MAML3: variants seen among roughly 807,000 people sequenced by gnomAD.
MAML3 encodes the protein mastermind-like protein 3.
In MAML3, 27 loss-of-function variants were observed where a neutral mutation model predicts 101.9. The observed-to-expected ratio is 0.27, with a 90% CI of 0.20 to 0.37. The LOEUF (loss-of-function observed/expected upper bound fraction) is 0.37, where lower values mean the gene tolerates loss of function less well. Among genes scored for constraint, MAML3 ranks in the 10% least tolerant of loss-of-function variants. The pLI is 1.00. For synonymous variants in MAML3, 501 were observed against 555.9 expected (o/e 0.90, Z 1.39); for missense variants, 1,316 against 1,444.9 (o/e 0.91, Z 1.45).
intron 1 of MAML3, among the ~76,000 whole-genome samples, chr4:139,893,106 A>C (rs1201393922): frequency 1.3e-5 from 2 of 151,932 alleles, no homozygotes; most frequent in African/African-American, 2.4e-5. Context: ...AGGTGCTGAT[A>C]CTCCGGTTTC....
At chr4:140,125,871 C>T (rs1272153548) in intron 1 of MAML3, among the ~76,000 whole-genome samples, 7 of 152,082 alleles carry the variant, frequency 4.6e-5, no homozygotes, top group Admixed American at 1.3e-4. Flanking sequence ...CTCCGCCTCC[C>T]GGATTCAAGC....
chr4:140,067,432 G>A (rs572825576), intron 1 of MAML3, among the ~76,000 whole-genome samples: 2 of 152,116 alleles, frequency 1.3e-5, no homozygotes, highest in Admixed American at 6.5e-5. Context: ...GACAGCATAC[G>A]TATTATTTAC....
At chr4:139,870,727 G>A (rs1245708959) in intron 2 of MAML3, among the ~76,000 whole-genome samples, 2 of 151,978 alleles carry the variant, frequency 1.3e-5, no homozygotes, top group Admixed American at 6.6e-5. Flanking sequence ...CTGTACCCTC[G>A]ACCTCCTGGA....
chr4:139,889,728 G>C lies in MAML3; in HGVS notation c.1708C>G (p.Leu570Val). ...NLQKTTMNNY[L>V]PQNHMNMINQ... ...ATCATATTCATGTGATTCTGAGGGA[G>C]GTAGTTATTCATTGTTGTCTTCTGC... Residue 570 changes from leucine to valine, a missense_variant, in exon 2 of 5, where the codon CTC (leucine) becomes GTC (valine). Transcript: ENST00000509479. The C allele has an allele frequency of 6.2e-7, 1 of 1,613,996 alleles. No individual in the cohort carries two copies. The highest frequency in any genetic ancestry group is 8.5e-7 in the Non-Finnish European group (1 of 1,179,884).
At chr4:139,923,583 T>G (rs1733168340) in intron 1 of MAML3, among the ~76,000 whole-genome samples, 1 of 151,880 alleles carries the variant, frequency 6.6e-6, no homozygotes, top group African/African-American at 2.4e-5. Flanking sequence ...GTGTTCTACT[T>G]AAGTTTTGTA....
At chr4:139,743,607 G>A (rs1280218876) in intron 2 of MAML3, among the ~76,000 whole-genome samples, 2 of 152,174 alleles carry the variant, frequency 1.3e-5, no homozygotes, top group Non-Finnish European at 2.9e-5. Flanking sequence ...GAGTGGGGAT[G>A]ACAAACCTGG....
At chr4:139,800,312 A>C (rs1730582129) in intron 2 of MAML3, among the ~76,000 whole-genome samples, 1 of 152,162 alleles carries the variant, frequency 6.6e-6, no homozygotes, top group South Asian at 2.1e-4. Context: ...CTTCCTTAAG[A>C]AGGCAGAGAG....
chr4:139,938,781 A>G lies in MAML3; in HGVS notation c.469-47814T>C, dbSNP rs530411243. Among the ~76,000 whole-genome samples the G allele has an allele frequency of 2.6e-5, 4 of 152,364 alleles. No homozygotes were observed. In the East Asian group the frequency reaches 7.7e-4, roughly 29 times the overall value. On this transcript the variant is annotated intron_variant, in intron 1 of 4. Transcript: ENST00000509479. ...TTTTAAAGATATGGATATTATATGT[A>G]TTGTAATTAAAATAACGAGACTAAT...
chr4:140,053,427 C>T (rs1205197377), intron 1 of MAML3, among the ~76,000 whole-genome samples: 1 of 152,192 alleles, frequency 6.6e-6, no homozygotes, highest in East Asian at 1.9e-4. Flanking sequence ...TACCACTTTA[C>T]ACCAGTATTA....
intron 2 of MAML3, among the ~76,000 whole-genome samples, chr4:139,734,259 T>C (rs1254651769): frequency 1.3e-5 from 2 of 152,246 alleles, no homozygotes; most frequent in African/African-American, 2.4e-5. Context: ...CCACTGCTCT[T>C]GTTTCTAAGA....
intron 1 of MAML3, among the ~76,000 whole-genome samples, chr4:139,959,781 T>A (rs1361840715): frequency 6.6e-6 from 1 of 152,200 alleles, no homozygotes; most frequent in African/African-American, 2.4e-5. Context: ...AGGGGCAGAT[T>A]TATGTATAAC....
At chr4:140,105,404 T>G (rs1428627801) in intron 1 of MAML3, among the ~76,000 whole-genome samples, 1 of 152,164 alleles carries the variant, frequency 6.6e-6, no homozygotes, top group Non-Finnish European at 1.5e-5. Context: ...TCTCATCAAG[T>G]CTCCTGCTCC....
At chr4:140,007,576 A>G (rs1332537373) in intron 1 of MAML3, among the ~76,000 whole-genome samples, 5 of 152,226 alleles carry the variant, frequency 3.3e-5, no homozygotes, top group African/African-American at 1.2e-4. Flanking sequence ...AGGTTTCTGT[A>G]TCTGTTTCTT....
At chr4:140,050,416 A>C (rs1019452382) in intron 1 of MAML3, among the ~76,000 whole-genome samples, 2 of 152,186 alleles carry the variant, frequency 1.3e-5, no homozygotes, top group African/African-American at 4.8e-5. Context: ...TCTGGAGGGC[A>C]CAGATGGGCC....
intron 1 of MAML3, chr4:140,134,344 A>G (rs1357595419): frequency 1.3e-5 from 6 of 456,648 alleles, no homozygotes; most frequent in Non-Finnish European, 2.2e-5. Context: ...AGGCAAGTCA[A>G]GAAGAAAACA....
At chr4:140,027,505 A>G (rs1726844974) in intron 1 of MAML3, among the ~76,000 whole-genome samples, 1 of 152,222 alleles carries the variant, frequency 6.6e-6, no homozygotes, top group South Asian at 2.1e-4. Context: ...TTTTCATCAA[A>G]TTATTAACAT....
At chr4:139,956,768 G>A (rs1009443696) in intron 1 of MAML3, among the ~76,000 whole-genome samples, 7 of 152,172 alleles carry the variant, frequency 4.6e-5, no homozygotes, top group Non-Finnish European at 1.0e-4. Flanking sequence ...AGGAGAAATA[G>A]CAGAAATGGC....
intron 1 of MAML3, among the ~76,000 whole-genome samples, chr4:139,909,328 T>C (rs898461951): frequency 3.3e-5 from 5 of 152,200 alleles, no homozygotes; most frequent in Non-Finnish European, 2.9e-5. Context: ...TCTAACTGCA[T>C]GAATATTTAA....
intron 1 of MAML3, among the ~76,000 whole-genome samples, chr4:140,020,369 A>G (rs1726712283): frequency 6.6e-6 from 1 of 152,092 alleles, no homozygotes; most frequent in African/African-American, 2.4e-5. Flanking sequence ...GTTTTCAGAA[A>G]TATATGAAAT....
Sources: allele counts gnomAD v4.1 joint callset (sites outside exome capture counted in the v4.1 genomes callset), GRCh38; gene constraint gnomAD v4.1.1; transcripts MANE v1.5; gene names NCBI Gene and HGNC (gene_info 2026-07-23, HGNC 2026-07-21).